MYO1D: variants seen among roughly 807,000 people sequenced by gnomAD.
The protein encoded by MYO1D is unconventional myosin-Id.
In MYO1D, 83 loss-of-function variants were observed where a neutral mutation model predicts 122.0. The observed-to-expected ratio is 0.68, with a 90% CI of 0.57 to 0.82. The LOEUF is 0.82. Ranked by LOEUF, MYO1D falls within the 40% of genes least tolerant of loss-of-function variation. The pLI, the probability that MYO1D is intolerant of heterozygous loss-of-function variation, is 0.00. For synonymous variants in MYO1D, 464 were observed against 446.9 expected, an observed-to-expected ratio of 1.04 and a Z score of -0.48; for missense variants, 1,157 against 1,269.5, an observed-to-expected ratio of 0.91 and a Z score of 1.35.
At chr17:32,623,742 T>C (rs1258756030) in intron 20 of MYO1D, among the ~76,000 whole-genome samples, 1 of 152,192 alleles carries the variant, frequency 6.6e-6, no homozygotes, top group Non-Finnish European at 1.5e-5. Context: ...AACAGAGATT[T>C]ACTCCTCACG....
intron 21 of MYO1D, among the ~76,000 whole-genome samples, chr17:32,561,605 G>A (rs143298422): frequency 0.036 from 5,374 of 149,888 alleles, 103 homozygotes; most frequent in Middle Eastern, 0.072. Context: ...CAGGAGAATC[G>A]CTTGAACCCA....
At chr17:32,860,409 G>C (rs151252702) in intron 1 of MYO1D, among the ~76,000 whole-genome samples, 1 of 152,254 alleles carries the variant, frequency 6.6e-6, no homozygotes, top group African/African-American at 2.4e-5. Context: ...ATAAGCTAGG[G>C]AACTTCCAAG....
chr17:32,856,193 G>T (rs1477686549), intron 1 of MYO1D, among the ~76,000 whole-genome samples: 1 of 152,126 alleles, frequency 6.6e-6, no homozygotes, highest in Non-Finnish European at 1.5e-5. Flanking sequence ...GTATGAGGGA[G>T]AGATATGGAC....
intron 14 of MYO1D, among the ~76,000 whole-genome samples, chr17:32,738,026 T>A (rs1187209135): frequency 7.9e-5 from 12 of 152,186 alleles, no homozygotes; most frequent in Non-Finnish European, 1.6e-4. Flanking sequence ...GACAGTAGAA[T>A]AAAAAGCTCA....
chr17:32,556,121 C>T (rs1384266624), intron 21 of MYO1D, among the ~76,000 whole-genome samples: 1 of 152,196 alleles, frequency 6.6e-6, no homozygotes, highest in Non-Finnish European at 1.5e-5. Flanking sequence ...GGGCCTTGCA[C>T]ATGGCAGGTG....
At chr17:32,556,551 ATT>A (rs66782964) in intron 21 of MYO1D, among the ~76,000 whole-genome samples, 5 of 139,550 alleles carry the variant, frequency 3.6e-5, no homozygotes, top group Admixed American at 7.2e-5. Context: ...TATGGCCACA[ATT>A]TTTTTTTTTT....
At chr17:32,748,105 C>T (rs1171646379) in intron 12 of MYO1D, among the ~76,000 whole-genome samples, 1 of 152,174 alleles carries the variant, frequency 6.6e-6, no homozygotes, top group Non-Finnish European at 1.5e-5. Context: ...TAATTTGTTA[C>T]AGCAGCCCTT....
intron 15 of MYO1D, among the ~76,000 whole-genome samples, chr17:32,718,803 T>C (rs1480497748): frequency 1.3e-5 from 2 of 152,220 alleles, no homozygotes; most frequent in Non-Finnish European, 2.9e-5. Flanking sequence ...TTGCTGGTTC[T>C]TTCATGCCAG....
At chr17:32,750,400 T>A (rs2089886708) in intron 11 of MYO1D, among the ~76,000 whole-genome samples, 2 of 151,490 alleles carry the variant, frequency 1.3e-5, no homozygotes. Context: ...GATTCCGAGG[T>A]CAGGAGATTG....
At chr17:32,864,548 G>GAAAAAAAAAAAAA (rs200717040) in intron 1 of MYO1D, among the ~76,000 whole-genome samples, 1 of 73,030 alleles carries the variant, frequency 1.4e-5, no homozygotes, top group African/African-American at 5.1e-5. Flanking sequence ...TTCTACGAAT[G>GAAAAAAAAAAAAA]AAAAAAAAAA....
At chr17:32,541,941 A>C (rs1315326106) in intron 21 of MYO1D, among the ~76,000 whole-genome samples, 3 of 151,886 alleles carry the variant, frequency 2.0e-5, no homozygotes, top group Non-Finnish European at 4.4e-5. Context: ...TTCCTCCCCT[A>C]ACTTCACCCG....
At chr17:32,797,769 A>C (rs1425873787) in intron 1 of MYO1D, among the ~76,000 whole-genome samples, 1 of 152,192 alleles carries the variant, frequency 6.6e-6, no homozygotes, top group Non-Finnish European at 1.5e-5. Flanking sequence ...CAGGTGGTTA[A>C]CGTCAAGCGC....
At chr17:32,805,752 C>G (rs566627266) in intron 1 of MYO1D, among the ~76,000 whole-genome samples, 2 of 152,192 alleles carry the variant, frequency 1.3e-5, no homozygotes, top group South Asian at 4.1e-4. Flanking sequence ...TCAGGTTGGG[C>G]TGGTTCAAAG....
chr17:32,589,509 C>G (rs1299528071), intron 21 of MYO1D, among the ~76,000 whole-genome samples: 1 of 152,162 alleles, frequency 6.6e-6, no homozygotes, highest in Non-Finnish European at 1.5e-5. Flanking sequence ...TGTGGTGCCT[C>G]TCGTCGGACC....
intron 16 of MYO1D, among the ~76,000 whole-genome samples, chr17:32,685,028 A>C (rs1368298121): frequency 6.6e-6 from 1 of 152,052 alleles, no homozygotes; most frequent in East Asian, 1.9e-4. Context: ...TTTTTTGGAA[A>C]AAAAAGTCAA....
chr17:32,607,207 CAT>C (rs2087639675), intron 20 of MYO1D, among the ~76,000 whole-genome samples: 1 of 151,898 alleles, frequency 6.6e-6, no homozygotes, highest in Non-Finnish European at 1.5e-5. Flanking sequence ...GGAAGAAACA[CAT>C]GTCTCTGTTT....
intron 12 of MYO1D, among the ~76,000 whole-genome samples, chr17:32,746,215 C>G (rs1340601258): frequency 6.6e-6 from 1 of 152,154 alleles, no homozygotes; most frequent in Admixed American, 6.5e-5. Context: ...TATTTCCTTG[C>G]CTGCCCCGAC....
At chr17:32,528,493 T>A (rs1910415277) in intron 21 of MYO1D, among the ~76,000 whole-genome samples, 1 of 151,956 alleles carries the variant, frequency 6.6e-6, no homozygotes, top group African/African-American at 2.4e-5. Context: ...GGGGAATTAC[T>A]GGGAAGGGTA....
intron 21 of MYO1D, among the ~76,000 whole-genome samples, chr17:32,593,898 T>C (rs929619541): frequency 6.6e-6 from 1 of 152,310 alleles, no homozygotes; most frequent in African/African-American, 2.4e-5. Context: ...GATGGTGCCA[T>C]TGCACTCTAG....
Sources: gnomAD v4.1 joint callset for allele counts (sites outside exome capture counted in the v4.1 genomes callset) on GRCh38, gnomAD v4.1.1 for gene constraint, MANE v1.5 for transcripts, NCBI Gene and HGNC (gene_info 2026-07-23, HGNC 2026-07-21) for gene names.